Variants in INSC observed in about 807,000 individuals in gnomAD.
INSC encodes protein inscuteable homolog.
INSC carries 67 observed loss-of-function variants against 58.6 expected under a neutral mutation model. The ratio of observed to expected loss-of-function variants is 1.14; its 90% CI spans 0.94 to 1.40. The LOEUF is 1.40. Ranked by LOEUF, INSC falls within the 40% of genes most tolerant of loss-of-function variation. The probability of loss-of-function intolerance (pLI) is 0.00; values close to 1 mark genes in which losing one functional copy is unlikely to be tolerated. For missense variants in INSC, 714 were observed against 692.0 expected, an observed-to-expected ratio of 1.03 and a Z score of -0.36; for synonymous variants, 262 against 276.1, an observed-to-expected ratio of 0.95 and a Z score of 0.51.
the INSC span, among the ~76,000 whole-genome samples, chr11:15,268,145 A>G: frequency 6.6e-6 from 1 of 151,980 alleles, no homozygotes; most frequent in East Asian, 1.9e-4. Flanking sequence ...TTTCTGAGAG[A>G]ATTTACTGTC....
At chr11:15,216,224 T>A (rs527555893) in intron 7 of INSC, among the ~76,000 whole-genome samples, 5 of 152,096 alleles carry the variant, frequency 3.3e-5, no homozygotes, top group South Asian at 2.1e-4. Context: ...AGCCTAAAAG[T>A]GTGGTGTCAT....
chr11:15,118,576 TC>T lies in INSC; in HGVS notation c.-46+3577del, dbSNP rs1488161837. Among the ~76,000 whole-genome samples the T allele has an allele frequency of 2.0e-5, 3 of 152,264 alleles. No homozygotes were observed. In the East Asian group the frequency reaches 5.8e-4, roughly 29 times the overall value. On this transcript the variant is annotated intron_variant, in intron 1 of 12. Transcript: ENST00000379556. The stretch of plus-strand genomic sequence containing the variant: ...TGATCACAAGGTAGGAAAGAGGAAA[TC>T]CCCTGTGGCCTGGTACTGAGTAATG...
chr11:15,133,748 T>C (rs12274528), intron 1 of INSC, among the ~76,000 whole-genome samples: 27 of 152,338 alleles, frequency 1.8e-4, no homozygotes, highest in African/African-American at 6.0e-4. Flanking sequence ...CTTGAACTCT[T>C]GCTTAGGTTT....
chr11:15,121,777 C>T (rs1228704053), intron 1 of INSC, among the ~76,000 whole-genome samples: 1 of 152,162 alleles, frequency 6.6e-6, no homozygotes, highest in African/African-American at 2.4e-5. Flanking sequence ...ACTAGGGTCT[C>T]ATGAATTCTT....
chr11:15,215,683 T>C (rs1851189120), intron 7 of INSC, among the ~76,000 whole-genome samples: 1 of 152,032 alleles, frequency 6.6e-6, no homozygotes, highest in Non-Finnish European at 1.5e-5. Flanking sequence ...CTAGAGAAAA[T>C]TTGGTATAAG....
intron 2 of INSC, among the ~76,000 whole-genome samples, chr11:15,174,469 G>T (rs1849507535): frequency 6.6e-6 from 1 of 152,188 alleles, no homozygotes; most frequent in Non-Finnish European, 1.5e-5. Flanking sequence ...ATTGGCTAGA[G>T]AAGTGATTAT....
intron 7 of INSC, among the ~76,000 whole-genome samples, chr11:15,210,693 C>T (rs1850990757): frequency 6.6e-6 from 1 of 152,004 alleles, no homozygotes; most frequent in Admixed American, 6.6e-5. Context: ...GCCGTGCTCA[C>T]AGGGAAGCAA....
chr11:15,120,965 ATAT>A (rs1847857710), intron 1 of INSC, among the ~76,000 whole-genome samples: 1 of 151,788 alleles, frequency 6.6e-6, no homozygotes, highest in Non-Finnish European at 1.5e-5. Flanking sequence ...TCATGCAAAA[ATAT>A]TATTTTTATT....
At chr11:15,259,752 C>T in the INSC span, among the ~76,000 whole-genome samples, 1 of 152,162 alleles carries the variant, frequency 6.6e-6, no homozygotes, top group African/African-American at 2.4e-5. Context: ...AATTTCATGA[C>T]TATTAAGCAG....
chr11:15,211,913 G>A (rs1408642611), intron 7 of INSC, among the ~76,000 whole-genome samples: 1 of 151,640 alleles, frequency 6.6e-6, no homozygotes, highest in Non-Finnish European at 1.5e-5. Context: ...AGAGCACGGG[G>A]CCCCTATAGT....
chr11:15,153,035 A>G (rs897540594), intron 2 of INSC, among the ~76,000 whole-genome samples: 2 of 152,206 alleles, frequency 1.3e-5, no homozygotes, highest in African/African-American at 2.4e-5. Flanking sequence ...TTGTTTATTC[A>G]TTAGCTTTCA....
At chr11:15,145,260 G>A (rs1380815510) in intron 1 of INSC, among the ~76,000 whole-genome samples, 2 of 152,188 alleles carry the variant, frequency 1.3e-5, no homozygotes, top group East Asian at 1.9e-4. Flanking sequence ...CACATTTTCC[G>A]TGGGTTGGCA....
chr11:15,225,685 C>T lies in INSC; in HGVS notation c.1027C>T (p.Leu343=). Residue 343 remains leucine (L), a synonymous_variant, in exon 9 of 13, where the codon CTA becomes TTA. Coordinates refer to ENST00000379556, the MANE Select transcript of INSC (RefSeq NM_001042536.3). The stretch of plus-strand genomic sequence containing the variant: ...AGAGGCCTCATCAGGGGAAGTCTTC[C>T]TACTGGCCTCTGCGGCCCTTGCCAA... ...CQEASSGEVF[L]LASAALANIT... 1.9e-6 allele frequency: 3 copies of T among 1,614,200 alleles called. No homozygotes were observed. Among genetic ancestry groups the T allele is most frequent in the Non-Finnish European group, 2.5e-6 (3 of 1,180,032 alleles).
chr11:15,255,713 T>C, the INSC span, among the ~76,000 whole-genome samples: 2 of 144,758 alleles, frequency 1.4e-5, no homozygotes, highest in South Asian at 2.4e-4. Context: ...GCTATTTGTA[T>C]GTATGTATAT....
rs775659277 is a variant in INSC, at chr11:15,239,053, C to T, written c.1372C>T (p.Arg458Trp). The change falls in exon 11 of 13, where the codon CGG (arginine) becomes TGG (tryptophan). Residue 458 changes from arginine to tryptophan, a missense_variant. Coordinates refer to ENST00000379556, the MANE Select transcript of INSC (RefSeq NM_001042536.3). The stretch of plus-strand genomic sequence containing the variant: ...TCTCAGCCGAGACCCAGATGTGGCA[C>T]GGGAGGCCGTGCGGCTCAGCTGTGA... ...ARLSRDPDVA[R>W]EAVRLSCMSR... The T allele has an allele frequency of 5.1e-5, 82 of 1,613,612 alleles. No individual in the cohort carries two copies. Among genetic ancestry groups the T allele is most frequent in the South Asian group, 2.3e-4 (21 of 91,056 alleles).
intron 1 of INSC, among the ~76,000 whole-genome samples, chr11:15,146,515 C>T (rs1202481803): frequency 6.6e-6 from 1 of 152,192 alleles, no homozygotes; most frequent in Non-Finnish European, 1.5e-5. Context: ...GAGCTGGCAG[C>T]TCCCCCTGCA....
At chr11:15,133,351 A>C (rs1460151245) in intron 1 of INSC, among the ~76,000 whole-genome samples, 1 of 151,776 alleles carries the variant, frequency 6.6e-6, no homozygotes, top group Non-Finnish European at 1.5e-5. Flanking sequence ...GTTCTTTCTC[A>C]AATTTTCTTG....
chr11:15,252,685 T>C, the INSC span, among the ~76,000 whole-genome samples: 1 of 152,216 alleles, frequency 6.6e-6, no homozygotes, highest in Non-Finnish European at 1.5e-5. Flanking sequence ...CACATTTTGT[T>C]AGTTAGAAGC....
intron 1 of INSC, among the ~76,000 whole-genome samples, chr11:15,148,071 C>T (rs75289671): frequency 0.022 from 3,299 of 152,104 alleles, 57 homozygotes; most frequent in Middle Eastern, 0.034. Context: ...AGGGACAAGG[C>T]GAGGGAGAAA....
Sources: allele counts gnomAD v4.1 joint callset (sites outside exome capture counted in the v4.1 genomes callset), GRCh38; gene constraint gnomAD v4.1.1; transcripts MANE v1.5; gene names NCBI Gene and HGNC (gene_info 2026-07-23, HGNC 2026-07-21).